The following NEK10 variants were observed in gnomAD, a reference collection of about 807,000 sequenced individuals.
NEK10 encodes NIMA related kinase 10.
In NEK10, 122 loss-of-function variants were observed where a neutral mutation model predicts 159.8. The observed-to-expected ratio is 0.76, with a 90% CI of 0.66 to 0.89. The LOEUF is 0.89. Ranked by LOEUF, NEK10 falls within the 40% of genes least tolerant of loss-of-function variation. The pLI is 0.00. For missense variants in NEK10, 1,342 were observed against 1,323.1 expected, an observed-to-expected ratio of 1.01 and a Z score of -0.22; for synonymous variants, 466 against 457.1, an observed-to-expected ratio of 1.02 and a Z score of -0.25.
intron 23 of NEK10, among the ~76,000 whole-genome samples, chr3:27,221,278 C>T (rs1952073919): frequency 6.6e-6 from 1 of 152,054 alleles, no homozygotes; most frequent in African/African-American, 2.4e-5. Context: ...ATCTGCTTTC[C>T]AAAATAAGTA....
intron 26 of NEK10, among the ~76,000 whole-genome samples, chr3:27,175,588 CG>C (rs1339019444): frequency 1.3e-5 from 2 of 152,102 alleles, no homozygotes; most frequent in Non-Finnish European, 2.9e-5. Flanking sequence ...AGAGAAAGAC[CG>C]TGCGGAAGGA....
At chr3:27,164,201 T>C (rs1946275669) in intron 29 of NEK10, among the ~76,000 whole-genome samples, 1 of 152,206 alleles carries the variant, frequency 6.6e-6, no homozygotes, top group African/African-American at 2.4e-5. Flanking sequence ...GAAATGAAGC[T>C]GATCCTGCCC....
chr3:27,250,635 T>C (rs1304509605), intron 23 of NEK10, among the ~76,000 whole-genome samples: 1 of 152,166 alleles, frequency 6.6e-6, no homozygotes, highest in Non-Finnish European at 1.5e-5. Flanking sequence ...TTTGTTTGTC[T>C]GGGAAAGTCT....
intron 1 of NEK10, chr3:27,367,424 C>T (rs1165953447): frequency 2.0e-5 from 3 of 152,180 alleles, no homozygotes; most frequent in East Asian, 3.8e-4. Flanking sequence ...ATGATTATGG[C>T]TTGAACTATA....
chr3:27,148,475 A>C (rs1367641406), intron 30 of NEK10, among the ~76,000 whole-genome samples: 4 of 151,894 alleles, frequency 2.6e-5, no homozygotes, highest in Admixed American at 2.6e-4. Flanking sequence ...TGTGCAACAG[A>C]CTCCACATGA....
At chr3:27,225,752 G>C (rs1449456753) in intron 23 of NEK10, among the ~76,000 whole-genome samples, 1 of 152,158 alleles carries the variant, frequency 6.6e-6, no homozygotes, top group African/African-American at 2.4e-5. Context: ...CTGGACTCTA[G>C]CCAATACATA....
chr3:27,227,246 G>C (rs1021658698), intron 23 of NEK10, among the ~76,000 whole-genome samples: 5 of 152,166 alleles, frequency 3.3e-5, no homozygotes, highest in African/African-American at 1.2e-4. Flanking sequence ...TGAGGAAATG[G>C]ACAGACAGGA....
chr3:27,310,734 A>G (rs646577), intron 9 of NEK10: 132,565 of 412,150 alleles, frequency 0.32, 26,995 homozygotes, highest in African/African-American at 0.75. Flanking sequence ...AAAAAAAGAA[A>G]AGAGTTCCAG....
chr3:27,122,000 T>C (rs996525419), intron 32 of NEK10, among the ~76,000 whole-genome samples: 1 of 152,218 alleles, frequency 6.6e-6, no homozygotes, highest in Admixed American at 6.5e-5. Flanking sequence ...CAATGGACTT[T>C]GGATATTGTA....
In NEK10 at chr3:27,256,351, G is replaced by A; in HGVS notation, c.2035C>T (p.Gln679Ter). 6.4e-7 allele frequency: 1 copy of A among 1,572,816 alleles called. No individual in the cohort carries two copies. The highest frequency in any genetic ancestry group is 1.2e-5 in the South Asian group (1 of 84,416). Residue 679 changes from glutamine to a stop codon, truncating the protein, a stop_gained, in exon 23 of 36, where the codon CAA becomes TAA. Transcript: ENST00000691995. LOFTEE classifies it high-confidence loss of function. Reference protein sequence around the residue: ...VTVTDFGLAKQKQENSKLTSV... With the variant: ...VTVTDFGLAK ...GTGAGTTTACTGTTTTCTTGTTTTT[G>A]CTTTGCCAGGCCAAAGTCAGCTACA...
chr3:27,178,666 T>C (rs1198660743), intron 26 of NEK10, among the ~76,000 whole-genome samples: 2 of 152,178 alleles, frequency 1.3e-5, no homozygotes, highest in East Asian at 1.9e-4. Flanking sequence ...CTGCATACTA[T>C]TGTAAATAAA....
intron 1 of NEK10, among the ~76,000 whole-genome samples, chr3:27,357,568 T>C (rs2048403543): frequency 6.6e-6 from 1 of 152,184 alleles, no homozygotes; most frequent in Non-Finnish European, 1.5e-5. Context: ...TCAAATCCTG[T>C]TCAGTGAGAC....
At chr3:27,258,585 A>G (rs1029921755) in intron 22 of NEK10, among the ~76,000 whole-genome samples, 9 of 152,136 alleles carry the variant, frequency 5.9e-5, no homozygotes, top group Non-Finnish European at 4.4e-5. Context: ...TCCATGGTGT[A>G]TATGTGCCAC....
intron 29 of NEK10, among the ~76,000 whole-genome samples, chr3:27,171,290 AAC>A (rs1946960653): frequency 6.6e-6 from 1 of 152,202 alleles, no homozygotes; most frequent in Non-Finnish European, 1.5e-5. Flanking sequence ...CATCCCTTGC[AAC>A]TAGCTGTGGT....
At chr3:27,204,744 A>G (rs1433376157) in intron 23 of NEK10, among the ~76,000 whole-genome samples, 3 of 140,614 alleles carry the variant, frequency 2.1e-5, no homozygotes, top group African/African-American at 7.7e-5. Context: ...AGTCTTTGCT[A>G]TTGTGAATGA....
intron 6 of NEK10, among the ~76,000 whole-genome samples, chr3:27,319,913 GAC>G (rs1447539438): frequency 3.7e-4 from 57 of 152,292 alleles, no homozygotes; most frequent in Non-Finnish European, 7.3e-4. Flanking sequence ...AGCCGCTATG[GAC>G]CCTGCAGTAC....
intron 5 of NEK10, among the ~76,000 whole-genome samples, chr3:27,339,051 G>A (rs765548099): frequency 2.0e-5 from 3 of 152,116 alleles, no homozygotes; most frequent in African/African-American, 4.8e-5. Flanking sequence ...ATCAACAAGC[G>A]ACTAATATCC....
chr3:27,203,620 T>A (rs975822020), intron 23 of NEK10, among the ~76,000 whole-genome samples: 6 of 152,154 alleles, frequency 3.9e-5, no homozygotes, highest in African/African-American at 1.4e-4. Flanking sequence ...TTCAGTTCCA[T>A]AATAAGTACT....
At chr3:27,118,976 T>C (rs1249672292) in intron 33 of NEK10, among the ~76,000 whole-genome samples, 1 of 152,182 alleles carries the variant, frequency 6.6e-6, no homozygotes, top group Admixed American at 6.5e-5. Flanking sequence ...TTCACTTCTA[T>C]CCACTCCTCC....
Sources: gnomAD v4.1 joint callset for allele counts (sites outside exome capture counted in the v4.1 genomes callset) on GRCh38, gnomAD v4.1.1 for gene constraint, MANE v1.5 for transcripts, NCBI Gene and HGNC (gene_info 2026-07-23, HGNC 2026-07-21) for gene names.